The following LSM8 variants were observed in gnomAD, a reference collection of about 807,000 sequenced individuals.
LSM8 encodes the protein LSM8 homolog, U6 small nuclear RNA associated, also known as LSM8 U6 small nuclear RNA associated.
Under a neutral mutation model 15.0 loss-of-function variants are expected in LSM8, and 14 were observed. That is an observed-to-expected ratio of 0.93 (90% CI 0.62 to 1.46). LSM8 has a LOEUF of 1.46. Among genes scored for constraint, LSM8 ranks in the 40% most tolerant of loss-of-function variants. LSM8 has a pLI of 0.00. For missense variants in LSM8, 90 were observed against 115.4 expected, an observed-to-expected ratio of 0.78 and a Z score of 1.01; for synonymous variants, 50 against 42.1, an observed-to-expected ratio of 1.19 and a Z score of -0.73.
chr7:118,190,886 C>T (rs1808967259), intron 3 of LSM8: 2 of 152,128 alleles, frequency 1.3e-5, no homozygotes, highest in South Asian at 4.1e-4. Flanking sequence ...TGGCGAATTA[C>T]CAGAGGTCAG....
chr7:118,184,347 G>A (rs534567243), intron 1 of LSM8, 93 bp downstream of exon 1: 249 of 1,341,334 alleles, frequency 1.9e-4, no homozygotes, highest in Non-Finnish European at 1.4e-4. Context: ...TGGCCTCGGC[G>A]GGATCCTGGG....
rs1448456817 is a variant in LSM8, at chr7:118,188,277, G to C, written c.73-1G>C. 2.5e-6 allele frequency: 4 copies of C among 1,613,224 alleles called. No homozygotes were observed. The highest frequency in any genetic ancestry group is 3.4e-6 in the Non-Finnish European group (4 of 1,179,396). On this transcript the variant is annotated splice_acceptor_variant, in intron 2 of 3. Coordinates refer to ENST00000249299, the MANE Select transcript of LSM8 (RefSeq NM_016200.5). LOFTEE classifies it high-confidence loss of function. ...TTTTCTCCTGAATATTTTCTTTACA[G>C]GGAACACTGAAAGGTTTTGACCAGA...
In LSM8 at chr7:118,194,430, A is replaced by G. The variant is rs1181421127; in HGVS notation, c.*2428A>G. Among the ~76,000 whole-genome samples the G allele has an allele frequency of 6.6e-6, 1 of 152,042 alleles. No individual in the cohort carries two copies. The highest frequency in any genetic ancestry group is 1.9e-4 in the East Asian group (1 of 5,184). On this transcript the variant is annotated 3_prime_UTR_variant, in exon 4 of 4. Coordinates refer to ENST00000249299, the MANE Select transcript of LSM8 (RefSeq NM_016200.5). ...TTTAAAATAACATTGCTTTTATGTC[A>G]AAGCACTTTGGTAACTTGGCCTCAC...
rs1436950716 is a variant in LSM8 at position 118,184,203 on chromosome 7, G to A, written c.-21G>A. On this transcript the variant is annotated 5_prime_UTR_variant, in exon 1 of 4. Transcript: ENST00000249299. The stretch of plus-strand genomic sequence containing the variant: ...TGCTGTCGGCACCGCTGCGTTACCC[G>A]GAACCGCCGGGCCGAACAGCATGAC... 1 of 1,542,984 alleles carries A rather than the reference G, an allele frequency of 6.5e-7. No individual in the cohort carries two copies.
In LSM8 at chr7:118,196,778, G is replaced by A. The variant is rs1045871389; in HGVS notation, c.*4776G>A. ...ACACTTCTTGCTCTTTCGCCAGGCT[G>A]GAGTGCAGTGGTGCAATCTTGGCTC... On this transcript the variant is annotated 3_prime_UTR_variant, in exon 4 of 4. Coordinates refer to ENST00000249299, the MANE Select transcript of LSM8 (RefSeq NM_016200.5). Among the ~76,000 whole-genome samples, 7 of 150,240 alleles carry A rather than the reference G, an allele frequency of 4.7e-5. No homozygotes were observed. Among genetic ancestry groups the A allele is most frequent in the Non-Finnish European group, 1.5e-5 (1 of 67,776 alleles).
chr7:118,199,634 A>C lies in LSM8; in HGVS notation c.*7632A>C, dbSNP rs947007304. Among the ~76,000 whole-genome samples, 3 of 152,170 alleles carry C rather than the reference A, an allele frequency of 2.0e-5. No homozygotes were observed. Among genetic ancestry groups the C allele is most frequent in the African/African-American group, 4.8e-5 (2 of 41,440 alleles). Reference sequence around the variant, plus strand: ...GAAGGAAAACAAGTAACTTTGCAACAATCTGTTCAACAATGAGAGTTACCA... The same window carrying C: ...GAAGGAAAACAAGTAACTTTGCAACCATCTGTTCAACAATGAGAGTTACCA... On this transcript the variant is annotated 3_prime_UTR_variant, in exon 4 of 4. Coordinates refer to ENST00000249299, the MANE Select transcript of LSM8 (RefSeq NM_016200.5).
intron 2 of LSM8, among the ~76,000 whole-genome samples, chr7:118,187,551 AACT>A (rs1808907112): frequency 6.6e-6 from 1 of 152,270 alleles, no homozygotes; most frequent in Non-Finnish European, 1.5e-5. Flanking sequence ...TGTTACATGT[AACT>A]ACTAGTTAAA....
intron 2 of LSM8, 22 bp from the exon 3 acceptor site, chr7:118,188,256 C>T (rs1398555224): frequency 1.9e-6 from 3 of 1,610,114 alleles, no homozygotes; most frequent in Admixed American, 3.4e-5. Context: ...TTCTCTTTTT[C>T]TCCTGAATAT....
chr7:118,186,051 G>T (rs1386553931), intron 2 of LSM8, among the ~76,000 whole-genome samples: 1 of 152,010 alleles, frequency 6.6e-6, no homozygotes, highest in Non-Finnish European at 1.5e-5. Flanking sequence ...ACTTTTTAAT[G>T]ATTTAGATAC....
chr7:118,201,861 C>G lies in LSM8; in HGVS notation c.*9859C>G. Among the ~76,000 whole-genome samples, 1 of 152,154 alleles carries G rather than the reference C, an allele frequency of 6.6e-6. No individual in the cohort carries two copies. The highest frequency in any genetic ancestry group is 2.4e-5 in the African/African-American group (1 of 41,550). ...CAGGCTTTTAATGCAACTTTATCTT[C>G]TGGGTTTCCCTAGTCATAATTAAGG... On this transcript the variant is annotated 3_prime_UTR_variant, in exon 4 of 4. Coordinates refer to ENST00000249299, the MANE Select transcript of LSM8 (RefSeq NM_016200.5).
At position 118,196,705 on chromosome 7, in the gene LSM8, TTTATTTATTTATTTA is replaced by T. The variant is rs1809083352; in HGVS notation, c.*4706_*4720del. 5.5e-5 allele frequency among the ~76,000 whole-genome samples: 2 copies of T among 36,672 alleles called. No individual in the cohort carries two copies. Among genetic ancestry groups the T allele is most frequent in the African/African-American group, 1.2e-4 (2 of 16,590 alleles). The allele number at this position is 36,672 out of a possible 152,430, so 24.1% of individuals were successfully genotyped here. A position where few individuals can be genotyped will look rare whatever the true frequency, so the allele number is the denominator to read the frequency against. ...TTTTTTTTAAGTCCTTTAATTTTTATTTATTTATTTATTTATTTATTTATTTATTTATTTATTTAT... is the reference window on the plus strand; with the variant it reads ...TTTTTTTTAAGTCCTTTAATTTTTATTTTATTTATTTATTTATTTATTTAT... On this transcript the variant is annotated 3_prime_UTR_variant, in exon 4 of 4. Coordinates refer to ENST00000249299, the MANE Select transcript of LSM8 (RefSeq NM_016200.5).
In LSM8 at chr7:118,195,167, C is replaced by T. The variant is rs535709026; in HGVS notation, c.*3165C>T. Among the ~76,000 whole-genome samples, 1 of 152,234 alleles carries T rather than the reference C, an allele frequency of 6.6e-6. No homozygotes were observed. The highest frequency in any genetic ancestry group is 1.5e-5 in the Non-Finnish European group (1 of 68,006). ...TTGGGCCCTACTCGTTGTGGTTCAG[C>T]AGCTGTGTAATGGAGCAAAAAGGAA... On this transcript the variant is annotated 3_prime_UTR_variant, in exon 4 of 4. Coordinates refer to ENST00000249299, the MANE Select transcript of LSM8 (RefSeq NM_016200.5).
At position 118,199,770 on chromosome 7, in the gene LSM8, C is replaced by G. The variant is rs367779142; in HGVS notation, c.*7768C>G. Among the ~76,000 whole-genome samples, 1 of 151,996 alleles carries G rather than the reference C, an allele frequency of 6.6e-6. No individual in the cohort carries two copies. Among genetic ancestry groups the G allele is most frequent in the African/African-American group, 2.4e-5 (1 of 41,388 alleles). ...TCAAGTGTAGGGTAAGGCCACCTCCCCAGCAAGTAAATACTGACATGGTGA... is the reference window on the plus strand; with the variant it reads ...TCAAGTGTAGGGTAAGGCCACCTCCGCAGCAAGTAAATACTGACATGGTGA... On this transcript the variant is annotated 3_prime_UTR_variant, in exon 4 of 4. Transcript: ENST00000249299.
At position 118,200,851 on chromosome 7, in the gene LSM8, C is replaced by T. The variant is rs890912226; in HGVS notation, c.*8849C>T. On this transcript the variant is annotated 3_prime_UTR_variant, in exon 4 of 4. Transcript: ENST00000249299. ...TGTTATTCTCCCATCCCAGTTTCTA[C>T]TTGTTTCTTGTAAAAAAGGAGGTTT... Among the ~76,000 whole-genome samples, 1 of 152,064 alleles carries T rather than the reference C, an allele frequency of 6.6e-6. No homozygotes were observed. The highest frequency in any genetic ancestry group is 2.4e-5 in the African/African-American group (1 of 41,430).
chr7:118,200,298 GC>G lies in LSM8; in HGVS notation c.*8297del, dbSNP rs1170189545. The stretch of plus-strand genomic sequence containing the variant: ...ACAAATCATAAGTAGCTGCTCTGGT[GC>G]TCTCTAGAGGCAGAACTTGCTGAAT... On this transcript the variant is annotated 3_prime_UTR_variant, in exon 4 of 4. Coordinates refer to ENST00000249299, the MANE Select transcript of LSM8 (RefSeq NM_016200.5). Among the ~76,000 whole-genome samples the G allele has an allele frequency of 6.6e-6, 1 of 152,086 alleles. No homozygotes were observed. Among genetic ancestry groups the G allele is most frequent in the African/African-American group, 2.4e-5 (1 of 41,416 alleles).
In LSM8 at chr7:118,193,694, A is replaced by G. The variant is rs909817827; in HGVS notation, c.*1692A>G. Among the ~76,000 whole-genome samples, 2 of 152,158 alleles carry G rather than the reference A, an allele frequency of 1.3e-5. No individual in the cohort carries two copies. The highest frequency in any genetic ancestry group is 2.9e-5 in the Non-Finnish European group (2 of 67,982). ...GACTGTGAATGAAATATTGTAGTATATGGCATTTTGAATTGGTAAAGTAAT... is the reference window on the plus strand; with the variant it reads ...GACTGTGAATGAAATATTGTAGTATGTGGCATTTTGAATTGGTAAAGTAAT... On this transcript the variant is annotated 3_prime_UTR_variant, in exon 4 of 4. Coordinates refer to ENST00000249299, the MANE Select transcript of LSM8 (RefSeq NM_016200.5).
At chr7:118,184,413 G>A in intron 1 of LSM8, 159 bp downstream of exon 1, 1 of 819,962 alleles carries the variant, frequency 1.2e-6, no homozygotes, top group Non-Finnish European at 1.7e-6. Context: ...GCGGCGCCTC[G>A]AGCCTTCCCG....
chr7:118,201,391 G>T lies in LSM8; in HGVS notation c.*9389G>T, dbSNP rs1027544604. On this transcript the variant is annotated 3_prime_UTR_variant, in exon 4 of 4. Transcript: ENST00000249299. ...AATAAAGAGACATTTTGGGCCTGAT[G>T]ACATCATTTCAGCACCTGGATCCAG... Among the ~76,000 whole-genome samples, 1 of 152,044 alleles carries T rather than the reference G, an allele frequency of 6.6e-6. No homozygotes were observed. The highest frequency in any genetic ancestry group is 1.5e-5 in the Non-Finnish European group (1 of 67,976).
intron 3 of LSM8, 91 bp from the exon 4 acceptor site, chr7:118,191,821 G>A (rs375621689): frequency 2.6e-5 from 24 of 910,504 alleles, no homozygotes; most frequent in African/African-American, 1.9e-4. Flanking sequence ...TTGGAAGAAT[G>A]GTACTCAGTG....
Sources: gnomAD v4.1 joint callset for allele counts (sites outside exome capture counted in the v4.1 genomes callset) on GRCh38, gnomAD v4.1.1 for gene constraint, MANE v1.5 for transcripts, NCBI Gene and HGNC (gene_info 2026-07-23, HGNC 2026-07-21) for gene names.